CDH13: variants seen among roughly 807,000 people sequenced by gnomAD.
The protein encoded by CDH13 is cadherin-13.
Under a neutral mutation model 63.8 loss-of-function variants are expected in CDH13, and 24 were observed. That is an observed-to-expected ratio of 0.38 (90% CI 0.27 to 0.53). The LOEUF (loss-of-function observed/expected upper bound fraction) is 0.53. Ranked by LOEUF, CDH13 falls within the 20% of genes least tolerant of loss-of-function variation. The pLI is 0.85. For missense variants in CDH13, 1,049 were observed against 903.1 expected (o/e 1.16, Z -2.07); for synonymous variants, 503 against 355.3 (o/e 1.42, Z -4.67).
intron 10 of CDH13, among the ~76,000 whole-genome samples, chr16:83,722,656 T>C (rs1024479948): frequency 6.6e-6 from 1 of 152,214 alleles, no homozygotes; most frequent in Admixed American, 6.5e-5. Flanking sequence ...CTGAGCCAAC[T>C]GCACTGATGT....
intron 7 of CDH13, among the ~76,000 whole-genome samples, chr16:83,503,735 GTTGT>G (rs1304163729): frequency 2.6e-5 from 4 of 152,080 alleles, no homozygotes; most frequent in Non-Finnish European, 4.4e-5. Flanking sequence ...TTTTAATGGG[GTTGT>G]TTGTTTTTTT....
chr16:82,877,447 T>C (rs1241627136), intron 2 of CDH13, among the ~76,000 whole-genome samples: 1 of 152,204 alleles, frequency 6.6e-6, no homozygotes, highest in Non-Finnish European at 1.5e-5. Flanking sequence ...TTGTTGGTCT[T>C]AAGCACTACG....
intron 6 of CDH13, among the ~76,000 whole-genome samples, chr16:83,384,697 GTGTGCAGGGCCACA>G (rs1236571406): frequency 6.6e-5 from 10 of 152,238 alleles, no homozygotes; most frequent in African/African-American, 2.4e-4. Context: ...GGCTAGACAG[GTGTGCAGGGCCACA>G]TGGCAAAAGG....
At chr16:83,277,499 A>G (rs1007423840) in intron 5 of CDH13, among the ~76,000 whole-genome samples, 1 of 152,220 alleles carries the variant, frequency 6.6e-6, no homozygotes, top group Non-Finnish European at 1.5e-5. Flanking sequence ...AAGATTTCTT[A>G]AAGTGTGATC....
intron 2 of CDH13, among the ~76,000 whole-genome samples, chr16:83,003,260 A>C (rs1173562025): frequency 6.6e-6 from 1 of 152,160 alleles, no homozygotes; most frequent in Non-Finnish European, 1.5e-5. Flanking sequence ...CGGTGAGAGG[A>C]CTGTAGTTTG....
chr16:83,539,422 A>C (rs1033571572), intron 7 of CDH13, among the ~76,000 whole-genome samples: 6 of 152,140 alleles, frequency 3.9e-5, no homozygotes, highest in African/African-American at 1.2e-4. Context: ...CAGGCCATGG[A>C]CCAGCACTGG....
At chr16:83,231,061 C>T (rs1341064151) in intron 5 of CDH13, among the ~76,000 whole-genome samples, 2 of 152,222 alleles carry the variant, frequency 1.3e-5, no homozygotes, top group Non-Finnish European at 2.9e-5. Flanking sequence ...TGAGCAAATG[C>T]TCAGAGCAAG....
At chr16:82,818,548 G>A (rs138919592) in intron 1 of CDH13, among the ~76,000 whole-genome samples, 26 of 152,234 alleles carry the variant, frequency 1.7e-4, no homozygotes, top group Admixed American at 1.3e-4. Flanking sequence ...TTGAAGGATG[G>A]GTAGGAGTTT....
At position 83,153,097 on chromosome 16, in the gene CDH13, G is replaced by A. The variant is rs554843635; in HGVS notation, c.483+27596G>A. Among the ~76,000 whole-genome samples, 5 of 152,316 alleles carry A rather than the reference G, an allele frequency of 3.3e-5. No individual in the cohort carries two copies. The South Asian group carries it at 6.2e-4, about 19-fold the overall frequency. ...ATAGAGAAAAAGTAATTCATGCAGAGCCAGCTGTGTGGGAGACTGGAGTTT... is the reference window on the plus strand; with the variant it reads ...ATAGAGAAAAAGTAATTCATGCAGAACCAGCTGTGTGGGAGACTGGAGTTT... On this transcript the variant is annotated intron_variant, in intron 4 of 13. Coordinates refer to ENST00000567109, the MANE Select transcript of CDH13 (RefSeq NM_001257.5).
intron 7 of CDH13, among the ~76,000 whole-genome samples, chr16:83,508,139 G>GGGGAT (rs1273672549): frequency 1.8e-5 from 2 of 109,240 alleles, no homozygotes; most frequent in East Asian, 6.8e-4. Context: ...GGAAAGGGAA[G>GGGGAT]GGGAGGGGAG....
chr16:83,388,122 T>G (rs942023279), intron 6 of CDH13, among the ~76,000 whole-genome samples: 1 of 151,988 alleles, frequency 6.6e-6, no homozygotes, highest in African/African-American at 2.4e-5. Flanking sequence ...GGTTTTTTAT[T>G]GTTGTTTGGA....
chr16:83,526,445 G>A (rs2074960956), intron 7 of CDH13, among the ~76,000 whole-genome samples: 1 of 152,136 alleles, frequency 6.6e-6, no homozygotes, highest in Admixed American at 6.5e-5. Flanking sequence ...TAGTTCTTTA[G>A]ATTCTCATAA....
chr16:83,251,646 G>A (rs1012280166), intron 5 of CDH13, among the ~76,000 whole-genome samples: 7 of 152,224 alleles, frequency 4.6e-5, no homozygotes, highest in African/African-American at 1.4e-4. Context: ...TCTCCTGCAG[G>A]ATGGTCTGTG....
intron 2 of CDH13, among the ~76,000 whole-genome samples, chr16:82,964,546 T>G (rs995748997): frequency 1.3e-5 from 2 of 152,218 alleles, no homozygotes; most frequent in African/African-American, 2.4e-5. Flanking sequence ...ATGGCTTGTT[T>G]CCATCCGCCA....
At chr16:83,160,967 T>G (rs1248547699) in intron 4 of CDH13, among the ~76,000 whole-genome samples, 1 of 152,202 alleles carries the variant, frequency 6.6e-6, no homozygotes, top group Non-Finnish European at 1.5e-5. Flanking sequence ...GGGCAGAAAT[T>G]GGGCAACCCA....
chr16:82,765,840 T>C (rs1047464400), intron 1 of CDH13, among the ~76,000 whole-genome samples: 1 of 152,158 alleles, frequency 6.6e-6, no homozygotes, highest in Non-Finnish European at 1.5e-5. Context: ...AGTTCTTGGA[T>C]ATTGGTTTCT....
Position 83,264,722 on chromosome 16 carries a change from C to A in CDH13, c.636+47225C>A, listed in dbSNP as rs545297221. Among the ~76,000 whole-genome samples the A allele has an allele frequency of 5.1e-4, 77 of 151,726 alleles. 1 individual carries two copies. Among genetic ancestry groups the A allele is most frequent in the African/African-American group, 1.8e-3 (73 of 41,450 alleles). On this transcript the variant is annotated intron_variant, in intron 5 of 13. Transcript: ENST00000567109. Reference sequence around the variant, plus strand: ...ACCCCTAATTTCTAATTCCTAGAGACAACACCCCTCTAAACTCCTTTGGCT... The same window carrying A: ...ACCCCTAATTTCTAATTCCTAGAGAAAACACCCCTCTAAACTCCTTTGGCT...
At chr16:83,580,854 C>G (rs181280808) in intron 7 of CDH13, among the ~76,000 whole-genome samples, 1 of 152,128 alleles carries the variant, frequency 6.6e-6, no homozygotes, top group East Asian at 1.9e-4. Context: ...AGTTTCCATG[C>G]TGTTGGAGTT....
At chr16:82,813,808 A>C (rs1029880256) in intron 1 of CDH13, among the ~76,000 whole-genome samples, 1 of 152,210 alleles carries the variant, frequency 6.6e-6, no homozygotes, top group Non-Finnish European at 1.5e-5. Context: ...TTTTGGCGAA[A>C]AGATAGATTT....
Sources: gnomAD v4.1 joint callset for allele counts (sites outside exome capture counted in the v4.1 genomes callset) on GRCh38, gnomAD v4.1.1 for gene constraint, MANE v1.5 for transcripts, NCBI Gene and HGNC (gene_info 2026-07-23, HGNC 2026-07-21) for gene names.